SAMD12: variants seen among roughly 807,000 people sequenced by gnomAD.
The protein encoded by SAMD12 is sterile alpha motif domain-containing protein 12.
In SAMD12, 9 loss-of-function variants were observed where a neutral mutation model predicts 15.0. The observed-to-expected ratio is 0.60, with a 90% CI of 0.36 to 1.05. The LOEUF is 1.05. Among genes scored for constraint, SAMD12 ranks in the 50% least tolerant of loss-of-function variants. The pLI, the probability that SAMD12 is intolerant of heterozygous loss-of-function variation, is 0.01. For synonymous variants in SAMD12, 86 were observed against 90.1 expected, an observed-to-expected ratio of 0.96 and a Z score of 0.25; for missense variants, 230 against 234.2, an observed-to-expected ratio of 0.98 and a Z score of 0.12.
At chr8:118,617,912 A>T (rs1008898724) in intron 1 of SAMD12, among the ~76,000 whole-genome samples, 3 of 152,184 alleles carry the variant, frequency 2.0e-5, no homozygotes, top group Non-Finnish European at 4.4e-5. Context: ...CAATAGGTTT[A>T]ACCGTCTATA....
chr8:118,518,604 A>G (rs1404128152), intron 2 of SAMD12, among the ~76,000 whole-genome samples: 1 of 152,194 alleles, frequency 6.6e-6, no homozygotes, highest in East Asian at 1.9e-4. Context: ...TATTGTGTTA[A>G]ACTGGGAGTA....
chr8:118,556,994 G>T (rs1826552839), intron 2 of SAMD12, among the ~76,000 whole-genome samples: 1 of 151,622 alleles, frequency 6.6e-6, no homozygotes, highest in Non-Finnish European at 1.5e-5. Flanking sequence ...AAGAAAGAAA[G>T]AAATAGACAT....
At chr8:118,442,696 C>T (rs1822797854) in intron 2 of SAMD12, among the ~76,000 whole-genome samples, 2 of 152,170 alleles carry the variant, frequency 1.3e-5, no homozygotes, top group Non-Finnish European at 1.5e-5. Context: ...TAGTTCTTTC[C>T]TGCTCTACAA....
chr8:118,570,941 T>G (rs548360094), intron 2 of SAMD12, among the ~76,000 whole-genome samples: 1 of 152,202 alleles, frequency 6.6e-6, no homozygotes, highest in African/African-American at 2.4e-5. Flanking sequence ...CTGCCATTCA[T>G]GTAAGACATG....
chr8:118,327,957 A>G (rs1299136787), intron 4 of SAMD12, among the ~76,000 whole-genome samples: 1 of 152,208 alleles, frequency 6.6e-6, no homozygotes, highest in African/African-American at 2.4e-5. Flanking sequence ...TGTGGGTGAC[A>G]TATTTTCACC....
intron 2 of SAMD12, among the ~76,000 whole-genome samples, chr8:118,553,543 A>G (rs2131189395): frequency 6.6e-6 from 1 of 152,108 alleles, no homozygotes; most frequent in Non-Finnish European, 1.5e-5. Context: ...AAGATGGATT[A>G]AAGACTTAAA....
At chr8:118,192,384 A>G (rs767469568) in exon 5 of SAMD12, 7 of 152,188 alleles carry the variant, frequency 4.6e-5, no homozygotes, top group African/African-American at 7.2e-5. Flanking sequence ...CTGAATTTAA[A>G]AAGGTTATAA....
chr8:118,159,754 C>T, the SAMD12 span, among the ~76,000 whole-genome samples: 24 of 128,542 alleles, frequency 1.9e-4, no homozygotes, highest in African/African-American at 5.9e-4. Flanking sequence ...TCACTCTTTT[C>T]GCCCAGGCTG....
At chr8:118,464,994 T>C (rs973760037) in intron 2 of SAMD12, among the ~76,000 whole-genome samples, 2 of 152,190 alleles carry the variant, frequency 1.3e-5, no homozygotes, top group African/African-American at 2.4e-5. Context: ...GCAATGTGCA[T>C]GGTTTTCAGT....
At chr8:118,219,054 A>G (rs1812025692) in intron 4 of SAMD12, among the ~76,000 whole-genome samples, 1 of 152,216 alleles carries the variant, frequency 6.6e-6, no homozygotes, top group African/African-American at 2.4e-5. Context: ...TAGATGTGGC[A>G]TGAACTGTCT....
intron 2 of SAMD12, among the ~76,000 whole-genome samples, chr8:118,489,991 A>G (rs1172528235): frequency 6.6e-6 from 1 of 152,116 alleles, no homozygotes; most frequent in Non-Finnish European, 1.5e-5. Context: ...TGAGGGAGGA[A>G]TGTTCCTCTT....
At chr8:118,414,762 T>A (rs1407360883) in intron 3 of SAMD12, among the ~76,000 whole-genome samples, 1 of 152,132 alleles carries the variant, frequency 6.6e-6, no homozygotes, top group East Asian at 1.9e-4. Flanking sequence ...CGCAAAGAAT[T>A]TTCTAATTAA....
At chr8:118,373,654 GC>G (rs1819225143), downstream of SAMD12, among the ~76,000 whole-genome samples, 1 of 152,068 alleles carries the variant, frequency 6.6e-6, no homozygotes. Flanking sequence ...GCTATAACTG[GC>G]CCTGGTAAAC....
At chr8:118,616,659 C>T (rs1828246463) in intron 1 of SAMD12, among the ~76,000 whole-genome samples, 1 of 152,188 alleles carries the variant, frequency 6.6e-6, no homozygotes, top group African/African-American at 2.4e-5. Flanking sequence ...TTGGGTCCCA[C>T]CTGCCTGCTG....
chr8:118,205,345 C>G (rs1377525261), intron 4 of SAMD12, among the ~76,000 whole-genome samples: 1 of 152,214 alleles, frequency 6.6e-6, no homozygotes. Flanking sequence ...CTACAGATAA[C>G]ACAATGACCA....
intron 4 of SAMD12, among the ~76,000 whole-genome samples, chr8:118,340,999 T>C (rs187035087): frequency 2.6e-5 from 4 of 152,302 alleles, no homozygotes; most frequent in African/African-American, 7.2e-5. Flanking sequence ...GTTCACACTT[T>C]TGTGGGTGAG....
intron 4 of SAMD12, among the ~76,000 whole-genome samples, chr8:118,344,192 T>C (rs1490741918): frequency 1.3e-5 from 2 of 152,172 alleles, no homozygotes; most frequent in Non-Finnish European, 2.9e-5. Flanking sequence ...TTGCATTCTG[T>C]TTTAACTCCC....
intron 2 of SAMD12, among the ~76,000 whole-genome samples, chr8:118,575,004 CCTAAGT>C (rs891211624): frequency 3.6e-4 from 55 of 152,182 alleles, no homozygotes; most frequent in Admixed American, 3.5e-3. Context: ...CATCTTTTAA[CCTAAGT>C]CTAAGTTCTT....
chr8:118,537,301 G>C (rs1189362619), intron 2 of SAMD12, among the ~76,000 whole-genome samples: 1 of 151,978 alleles, frequency 6.6e-6, no homozygotes, highest in Non-Finnish European at 1.5e-5. Flanking sequence ...TCTTGTACTT[G>C]AATATTGATA....
Sources: gnomAD v4.1 joint callset for allele counts (sites outside exome capture counted in the v4.1 genomes callset) on GRCh38, gnomAD v4.1.1 for gene constraint, MANE v1.5 for transcripts, NCBI Gene and HGNC (gene_info 2026-07-23, HGNC 2026-07-21) for gene names.